Variants in ANKS1B observed in about 807,000 individuals in gnomAD.
The protein encoded by ANKS1B is ankyrin repeat and sterile alpha motif domain-containing protein 1B.
A neutral mutation model predicts 148.3 loss-of-function variants in ANKS1B; 36 were observed. The observed-to-expected ratio is 0.24, with a 90% CI of 0.19 to 0.32. The LOEUF (loss-of-function observed/expected upper bound fraction) is 0.32. Among genes scored for constraint, ANKS1B ranks in the 10% least tolerant of loss-of-function variants. The probability of loss-of-function intolerance (pLI) is 1.00; values close to 1 mark genes in which losing one functional copy is unlikely to be tolerated. For synonymous variants in ANKS1B, 542 were observed against 560.8 expected, an observed-to-expected ratio of 0.97 and a Z score of 0.47; for missense variants, 1,157 against 1,542.6, an observed-to-expected ratio of 0.75 and a Z score of 4.19.
At chr12:99,718,492 A>G (rs2057701673) in intron 8 of ANKS1B, among the ~76,000 whole-genome samples, 2 of 152,156 alleles carry the variant, frequency 1.3e-5, no homozygotes, top group Non-Finnish European at 2.9e-5. Context: ...CCGATATCCC[A>G]TCCCACAGCA....
chr12:99,086,354 G>T (rs1440899530), intron 15 of ANKS1B, among the ~76,000 whole-genome samples: 2 of 152,196 alleles, frequency 1.3e-5, no homozygotes, highest in Non-Finnish European at 2.9e-5. Context: ...ATACTTGGAA[G>T]CATCATGTTC....
rs1372365409 is a variant in ANKS1B at position 99,622,604 on chromosome 12, G to A, written c.1272+32463C>T. 2.0e-5 allele frequency among the ~76,000 whole-genome samples: 3 copies of A among 152,004 alleles called. No homozygotes were observed. In the East Asian group the frequency reaches 5.8e-4, roughly 29 times the overall value. On this transcript the variant is annotated intron_variant, in intron 9 of 26. Transcript: ENST00000683438. ...AGATCCTCAGAGACTGTTATGAACA[G>A]TTATGTGCATACAGGTGTATGCACA...
intron 12 of ANKS1B, among the ~76,000 whole-genome samples, chr12:99,393,821 G>A (rs953514549): frequency 1.1e-4 from 16 of 151,994 alleles, no homozygotes; most frequent in Non-Finnish European, 1.6e-4. Flanking sequence ...TTATCTCCTT[G>A]TTCTCTTTCA....
chr12:99,369,849 CAGATAGATAGATAGATAGATAGATAGAT>C (rs35658536), intron 12 of ANKS1B, among the ~76,000 whole-genome samples: 1 of 145,520 alleles, frequency 6.9e-6, no homozygotes, highest in Non-Finnish European at 1.5e-5. Context: ...CAGACAGAGA[CAGATAGATAGATAGATAGATAGATAGAT>C]AGATAGATAG....
chr12:98,957,805 T>C (rs1224673253), intron 17 of ANKS1B, among the ~76,000 whole-genome samples: 2 of 152,178 alleles, frequency 1.3e-5, no homozygotes, highest in African/African-American at 2.4e-5. Context: ...GATAAAGATG[T>C]GGGTTAAAGA....
intron 16 of ANKS1B, among the ~76,000 whole-genome samples, chr12:99,067,391 T>C (rs908256463): frequency 6.6e-6 from 1 of 152,184 alleles, no homozygotes; most frequent in Non-Finnish European, 1.5e-5. Context: ...TTTGACACAT[T>C]GGGCACCTGC....
chr12:99,389,792 TA>T (rs34302084), intron 12 of ANKS1B, among the ~76,000 whole-genome samples: 11 of 151,282 alleles, frequency 7.3e-5, no homozygotes, highest in East Asian at 3.9e-4. Context: ...AAAATTGATT[TA>T]AAAAAAAACA....
intron 10 of ANKS1B, among the ~76,000 whole-genome samples, chr12:99,464,256 A>T (rs2096055076): frequency 6.6e-6 from 1 of 152,182 alleles, no homozygotes; most frequent in Non-Finnish European, 1.5e-5. Context: ...GAAAACTAAC[A>T]AACAGAAAGG....
At chr12:99,252,765 G>C (rs1011112004) in intron 12 of ANKS1B, among the ~76,000 whole-genome samples, 1 of 152,148 alleles carries the variant, frequency 6.6e-6, no homozygotes, top group African/African-American at 2.4e-5. Flanking sequence ...CTTGTAACAA[G>C]ACCACAGGAA....
At chr12:99,812,008 A>G in intron 3 of ANKS1B, 147 bp downstream of exon 3, 1 of 930,974 alleles carries the variant, frequency 1.1e-6, no homozygotes. Flanking sequence ...CCAAACACCA[A>G]AGAATTTTTC....
chr12:99,629,530 G>A (rs2098138809), intron 9 of ANKS1B, among the ~76,000 whole-genome samples: 1 of 152,044 alleles, frequency 6.6e-6, no homozygotes, highest in Non-Finnish European at 1.5e-5. Flanking sequence ...AATAGTATAT[G>A]TCATTATTCC....
intron 9 of ANKS1B, among the ~76,000 whole-genome samples, chr12:99,526,342 C>T (rs1417489341): frequency 2.6e-5 from 4 of 152,132 alleles, no homozygotes; most frequent in East Asian, 3.9e-4. Context: ...TCCCTCACCT[C>T]GGAACAGGTG....
rs754652352 is a variant in ANKS1B, at chr12:98,745,748, C to G, written c.3849G>C (p.Thr1283=). Residue 1283 remains threonine (T), a synonymous_variant, in exon 27 of 27, where the codon ACG becomes ACC. Transcript: ENST00000683438. ...KRGINTKYET[T]IF ...AGGAGGACGGCGAGTATCAGAAAAT[C>G]GTGGTTTCATACTTGGTATTAATGC... The G allele has an allele frequency of 6.2e-7, 1 of 1,613,588 alleles. No individual in the cohort carries two copies. The highest frequency in any genetic ancestry group is 2.2e-5 in the East Asian group (1 of 44,848).
chr12:99,550,178 G>A (rs1450397945), intron 9 of ANKS1B, among the ~76,000 whole-genome samples: 1 of 152,152 alleles, frequency 6.6e-6, no homozygotes, highest in Non-Finnish European at 1.5e-5. Context: ...TGAGTTTCCA[G>A]TGTAACATTT....
chr12:99,194,124 G>A (rs369541897), intron 14 of ANKS1B, among the ~76,000 whole-genome samples: 400 of 151,994 alleles, frequency 2.6e-3, no homozygotes, highest in Middle Eastern at 0.014. Flanking sequence ...AAATGAAATG[G>A]AATATATATT....
chr12:99,529,700 C>A (rs1232055390), intron 9 of ANKS1B, among the ~76,000 whole-genome samples: 1 of 152,132 alleles, frequency 6.6e-6, no homozygotes, highest in Non-Finnish European at 1.5e-5. Context: ...GTAAGCTTTT[C>A]ACTTCCTAAT....
intron 1 of ANKS1B, among the ~76,000 whole-genome samples, chr12:99,952,299 C>G (rs2095240313): frequency 6.6e-6 from 1 of 152,048 alleles, no homozygotes; most frequent in Non-Finnish European, 1.5e-5. Flanking sequence ...TGTTCCATCT[C>G]TTAGGTTTAT....
At chr12:99,854,563 T>C (rs1237046931) in intron 1 of ANKS1B, among the ~76,000 whole-genome samples, 9 of 152,160 alleles carry the variant, frequency 5.9e-5, no homozygotes, top group Admixed American at 3.3e-4. Context: ...GGGAAATTCA[T>C]CGCAAAAAGA....
chr12:99,153,559 T>C (rs2075490716), intron 15 of ANKS1B, among the ~76,000 whole-genome samples: 1 of 152,188 alleles, frequency 6.6e-6, no homozygotes, highest in Admixed American at 6.6e-5. Flanking sequence ...TCCTCACCTA[T>C]ATGCAAAACG....
Sources: allele counts gnomAD v4.1 joint callset (sites outside exome capture counted in the v4.1 genomes callset), GRCh38; gene constraint gnomAD v4.1.1; transcripts MANE v1.5; gene names NCBI Gene and HGNC (gene_info 2026-07-23, HGNC 2026-07-21).